The following SATB1 variants were observed in gnomAD, a reference collection of about 807,000 sequenced individuals.
SATB1 encodes the protein SATB homeobox 1.
In SATB1, 11 loss-of-function variants were observed where a neutral mutation model predicts 86.9. The ratio of observed to expected loss-of-function variants is 0.13; its 90% CI spans 0.08 to 0.21. The LOEUF (loss-of-function observed/expected upper bound fraction) is 0.21. Among genes scored for constraint, SATB1 ranks in the 10% least tolerant of loss-of-function variants. The pLI, the probability that SATB1 is intolerant of heterozygous loss-of-function variation, is 1.00. For synonymous variants in SATB1, 357 were observed against 357.2 expected, an observed-to-expected ratio of 1.00 and a Z score of 0.01; for missense variants, 551 against 937.6, an observed-to-expected ratio of 0.59 and a Z score of 5.39.
At chr3:18,429,115 T>A (rs1451062996), upstream of SATB1, among the ~76,000 whole-genome samples, 9 of 152,244 alleles carry the variant, frequency 5.9e-5, no homozygotes, top group Admixed American at 5.9e-4. This position sits in a 1 kb window ranked among gnomAD's most constrained non-coding sequence, Gnocchi z 4.1. Context: ...CTTTGTTTTT[T>A]GGCTTTAGCT....
chr3:18,421,288 T>C (rs1198587837), intron 1 of SATB1: 1 of 216,798 alleles, frequency 4.6e-6, no homozygotes, highest in Non-Finnish European at 9.1e-6. Context: ...CAAGAATTAT[T>C]ACAAGTATAG....
At chr3:18,432,803 CAAA>C (rs5846986) in intron 2 of SATB1, among the ~76,000 whole-genome samples, 1 of 137,626 alleles carries the variant, frequency 7.3e-6, no homozygotes, top group African/African-American at 2.6e-5. Flanking sequence ...TAAACATTTT[CAAA>C]AAAAAAAAAA....
At chr3:18,413,032 T>C (rs528608282) in intron 5 of SATB1, among the ~76,000 whole-genome samples, 41 of 152,202 alleles carry the variant, frequency 2.7e-4, no homozygotes, top group African/African-American at 7.2e-4. Flanking sequence ...AATACTGCAA[T>C]TATAACTGAT....
chr3:18,351,732 C>T, intron 10 of SATB1: 2 of 533,628 alleles, frequency 3.7e-6, no homozygotes, highest in Non-Finnish European at 3.3e-6. Context: ...CCAACAAAGA[C>T]ACATTTGCCA....
In SATB1 at chr3:18,346,849, CTATTT is replaced by C. The variant is rs1379102687; in HGVS notation, c.*2316_*2320del. ...AGATAACTTCATGGCATTTGAGTTT[CTATTT>C]TATTTCCTATTTTTTAAATACATGA... On this transcript the variant is annotated 3_prime_UTR_variant, in exon 11 of 11. Coordinates refer to ENST00000338745, the MANE Select transcript of SATB1 (RefSeq NM_002971.6). The C allele has an allele frequency of 8.5e-5, 13 of 152,132 alleles. No homozygotes were observed. Among genetic ancestry groups the C allele is most frequent in the South Asian group, 8.3e-4 (4 of 4,818 alleles). The allele number at this position is 152,132 out of a possible 1,614,324, so 9.4% of individuals were successfully genotyped here. A position where few individuals can be genotyped will look rare whatever the true frequency, so the allele number is the denominator to read the frequency against.
At chr3:18,432,263 T>TA (rs1294697335) in intron 2 of SATB1, among the ~76,000 whole-genome samples, 4 of 152,142 alleles carry the variant, frequency 2.6e-5, no homozygotes, top group Non-Finnish European at 5.9e-5. Context: ...AAGCTCGAGG[T>TA]AAAATCCTCC....
chr3:18,422,280 A>C (rs1698433180), intron 1 of SATB1, among the ~76,000 whole-genome samples: 1 of 152,170 alleles, frequency 6.6e-6, no homozygotes, highest in African/African-American at 2.4e-5. Context: ...GCCAGTTTGT[A>C]TTAGCATGGC....
intron 7 of SATB1, among the ~76,000 whole-genome samples, chr3:18,387,051 A>G (rs1696381331): frequency 1.3e-5 from 2 of 152,244 alleles, no homozygotes; most frequent in South Asian, 4.1e-4. Flanking sequence ...CAAAGAAAAT[A>G]CCAGAAAATG....
At chr3:18,425,552 T>C (rs1194745142), upstream of SATB1, among the ~76,000 whole-genome samples, 1 of 141,762 alleles carries the variant, frequency 7.1e-6, no homozygotes, top group African/African-American at 2.7e-5. Context: ...AGTGAATGAG[T>C]GAGGGAATGG....
chr3:18,351,129 A>T (rs780386242), intron 10 of SATB1: 1 of 619,656 alleles, frequency 1.6e-6, no homozygotes, highest in Non-Finnish European at 2.9e-6. Flanking sequence ...CAGGAGATGA[A>T]TGGTGACAAG....
chr3:18,386,210 A>G lies in SATB1; in HGVS notation c.1419+189T>C, dbSNP rs956583921. 6.6e-6 allele frequency among the ~76,000 whole-genome samples: 1 copy of G among 152,142 alleles called. No individual in the cohort carries two copies. Among genetic ancestry groups the G allele is most frequent in the Non-Finnish European group, 1.5e-5 (1 of 68,014 alleles). ...AACACAAAGCAATTTTCTTCCCTCT[A>G]TCTAATTAGGAGCTTATTGTTTTTA... On this transcript the variant is annotated intron_variant, in intron 8 of 10. Coordinates refer to ENST00000338745, the MANE Select transcript of SATB1 (RefSeq NM_002971.6). The surrounding 1 kb of genome is among the most constrained non-coding windows in gnomAD (Gnocchi z 4.5).
At chr3:18,401,382 T>C (rs1275592439) in intron 5 of SATB1, among the ~76,000 whole-genome samples, 2 of 152,100 alleles carry the variant, frequency 1.3e-5, no homozygotes, top group African/African-American at 4.8e-5. Context: ...TGTTCATTAA[T>C]TTGCAAGAGA....
chr3:18,349,251 A>C lies in SATB1; in HGVS notation c.2211T>G (p.Thr737=). ...DLEESVQDKN[T]NTLFSVKLEE... is the part of the protein sequence containing the mutation. ...CTAGTTTCACTGAAAAAAGGGTGTT[A>C]GTATTTTTATCTTGGACACTCTCTT... The change falls in exon 11 of 11, where the codon ACT becomes ACG. Residue 737 remains threonine (T), a synonymous_variant. Transcript: ENST00000338745. This position sits in a 1 kb window ranked among gnomAD's most constrained non-coding sequence, Gnocchi z 5.5. 1 of 1,614,222 alleles carries C rather than the reference A, an allele frequency of 6.2e-7. No individual in the cohort carries two copies. Among genetic ancestry groups the C allele is most frequent in the Non-Finnish European group, 8.5e-7 (1 of 1,180,028 alleles).
intron 5 of SATB1, among the ~76,000 whole-genome samples, chr3:18,410,399 A>T (rs1697771565): frequency 6.6e-6 from 1 of 151,990 alleles, no homozygotes. Context: ...CTCGGTATGA[A>T]GTCTCACCCT....
chr3:18,432,534 G>A (rs142668232), intron 2 of SATB1, among the ~76,000 whole-genome samples: 87 of 152,250 alleles, frequency 5.7e-4, no homozygotes, highest in Middle Eastern at 3.4e-3. Context: ...GGCATTGTCC[G>A]TTGGAAGGAA....
chr3:18,381,065 G>A (rs1453252311), intron 8 of SATB1, among the ~76,000 whole-genome samples: 3 of 152,198 alleles, frequency 2.0e-5, no homozygotes, highest in African/African-American at 7.2e-5. Flanking sequence ...TATTAAGGCG[G>A]CGCCGGGGAA....
upstream of SATB1, among the ~76,000 whole-genome samples, chr3:18,426,152 C>G (rs1257858394): frequency 2.6e-5 from 4 of 152,112 alleles, no homozygotes; most frequent in Admixed American, 2.6e-4. This position sits in a 1 kb window ranked among gnomAD's most constrained non-coding sequence, Gnocchi z 4.2. Context: ...GCAATAAAGG[C>G]CAGGAGCCTC....
chr3:18,357,036 A>G (rs1458069636), intron 9 of SATB1, among the ~76,000 whole-genome samples: 1 of 151,918 alleles, frequency 6.6e-6, no homozygotes, highest in Admixed American at 6.6e-5. Context: ...AAAAAGAGAA[A>G]GAAAATGACA....
At chr3:18,380,566 A>G (rs1041907618) in intron 8 of SATB1, among the ~76,000 whole-genome samples, 1 of 152,126 alleles carries the variant, frequency 6.6e-6, no homozygotes, top group Non-Finnish European at 1.5e-5. Flanking sequence ...TTTTTTTTAA[A>G]AAAAGAATGT....
Sources: allele counts gnomAD v4.1 joint callset (sites outside exome capture counted in the v4.1 genomes callset), GRCh38; gene constraint gnomAD v4.1.1; non-coding constraint Gnocchi (gnomAD v3.1); transcripts MANE v1.5; gene names NCBI Gene and HGNC (gene_info 2026-07-23, HGNC 2026-07-21).